Variants in HSD17B12 observed in about 807,000 individuals in gnomAD.
The protein encoded by HSD17B12 is very-long-chain 3-oxoacyl-CoA reductase.
HSD17B12 carries 32 observed loss-of-function variants against 39.3 expected under a neutral mutation model. The observed-to-expected ratio is 0.81, with a 90% CI of 0.61 to 1.09. The LOEUF (loss-of-function observed/expected upper bound fraction) is 1.09. Among genes scored for constraint, HSD17B12 ranks in the 50% least tolerant of loss-of-function variants. HSD17B12 has a pLI of 0.00. For synonymous variants in HSD17B12, 150 were observed against 146.7 expected (o/e 1.02, Z -0.16); for missense variants, 342 against 382.9 (o/e 0.89, Z 0.89).
At chr11:43,622,106 G>T in the HSD17B12 span, among the ~76,000 whole-genome samples, 6 of 152,196 alleles carry the variant, frequency 3.9e-5, no homozygotes, top group African/African-American at 1.4e-4. Context: ...ATAGGAAAGG[G>T]TTTGCACCCT....
At chr11:43,745,707 A>G (rs1247090777) in intron 1 of HSD17B12, among the ~76,000 whole-genome samples, 1 of 152,216 alleles carries the variant, frequency 6.6e-6, no homozygotes. Flanking sequence ...ATATCCAAAC[A>G]TAGAAAAAGT....
intron 6 of HSD17B12, among the ~76,000 whole-genome samples, chr11:43,827,364 G>A (rs1269731777): frequency 6.6e-6 from 1 of 152,130 alleles, no homozygotes; most frequent in Non-Finnish European, 1.5e-5. Context: ...CATGATATGA[G>A]AATAATTTGC....
chr11:43,631,281 C>G, the HSD17B12 span, among the ~76,000 whole-genome samples: 1 of 152,102 alleles, frequency 6.6e-6, no homozygotes, highest in African/African-American at 2.4e-5. Context: ...ATAGGTTGGG[C>G]AGAAAGTAAA....
chr11:43,605,438 G>GT, the HSD17B12 span, among the ~76,000 whole-genome samples: 1 of 151,942 alleles, frequency 6.6e-6, no homozygotes, highest in Non-Finnish European at 1.5e-5. Context: ...GCATATGACT[G>GT]TAACTCCAGC....
the HSD17B12 span, among the ~76,000 whole-genome samples, chr11:43,565,719 GT>G: frequency 6.6e-6 from 1 of 152,208 alleles, no homozygotes; most frequent in Non-Finnish European, 1.5e-5. Flanking sequence ...TTCCAAATAT[GT>G]AATGACTCCC....
At chr11:43,721,004 T>C (rs975645431) in intron 1 of HSD17B12, among the ~76,000 whole-genome samples, 5 of 152,128 alleles carry the variant, frequency 3.3e-5, no homozygotes, top group African/African-American at 1.2e-4. Context: ...TTTCATGACC[T>C]CTTGGCTCCT....
At chr11:43,842,028 C>G (rs941500621) in intron 9 of HSD17B12, among the ~76,000 whole-genome samples, 2 of 152,006 alleles carry the variant, frequency 1.3e-5, no homozygotes, top group African/African-American at 2.4e-5. Context: ...AGCCACTTGC[C>G]CATGTTGAAC....
chr11:43,708,285 A>G (rs1196942202), intron 1 of HSD17B12, among the ~76,000 whole-genome samples: 2 of 152,088 alleles, frequency 1.3e-5, no homozygotes, highest in Admixed American at 6.5e-5. Context: ...TTCTAATGCA[A>G]TTTTTAAAAC....
chr11:43,596,713 C>T, the HSD17B12 span, among the ~76,000 whole-genome samples: 5 of 152,234 alleles, frequency 3.3e-5, no homozygotes, highest in Non-Finnish European at 7.3e-5. Context: ...GCTGGGATTA[C>T]AGGCCTGAGC....
At chr11:43,847,278 G>A (rs1951485670) in intron 9 of HSD17B12, among the ~76,000 whole-genome samples, 2 of 152,212 alleles carry the variant, frequency 1.3e-5, no homozygotes, top group African/African-American at 4.8e-5. Flanking sequence ...CCAGAAGAAA[G>A]GTGGGGATGC....
the HSD17B12 span, among the ~76,000 whole-genome samples, chr11:43,578,233 T>A: frequency 2.6e-5 from 4 of 152,034 alleles, no homozygotes; most frequent in Non-Finnish European, 5.9e-5. Context: ...GACGGTGAGG[T>A]AAGTATTAGT....
chr11:43,643,855 A>G, the HSD17B12 span, among the ~76,000 whole-genome samples: 1 of 152,202 alleles, frequency 6.6e-6, no homozygotes, highest in African/African-American at 2.4e-5. Flanking sequence ...ATAACTTAGA[A>G]AAATGTTGGA....
At chr11:43,730,361 G>A (rs925563793) in intron 1 of HSD17B12, among the ~76,000 whole-genome samples, 1 of 152,126 alleles carries the variant, frequency 6.6e-6, no homozygotes, top group Non-Finnish European at 1.5e-5. Flanking sequence ...TTCACTGAGT[G>A]TTCATTTTGA....
chr11:43,568,403 TC>T, the HSD17B12 span, among the ~76,000 whole-genome samples: 2 of 152,128 alleles, frequency 1.3e-5, no homozygotes, highest in African/African-American at 4.8e-5. Flanking sequence ...GCACCCAGCC[TC>T]CTGTTTGTTT....
At chr11:43,578,431 TC>T in the HSD17B12 span, among the ~76,000 whole-genome samples, 2 of 152,184 alleles carry the variant, frequency 1.3e-5, no homozygotes, top group Admixed American at 6.5e-5. Context: ...CTCGGAAGGT[TC>T]CCTGACTGAG....
At chr11:43,734,742 G>T (rs1211215050) in intron 1 of HSD17B12, among the ~76,000 whole-genome samples, 2 of 152,202 alleles carry the variant, frequency 1.3e-5, no homozygotes, top group Non-Finnish European at 2.9e-5. Context: ...CAAAAAATGG[G>T]GGGGCAGGGT....
the HSD17B12 span, among the ~76,000 whole-genome samples, chr11:43,608,183 G>A: frequency 6.6e-6 from 1 of 152,042 alleles, no homozygotes; most frequent in Non-Finnish European, 1.5e-5. Flanking sequence ...TGGGCAACAG[G>A]GTGAAACCCC....
the HSD17B12 span, among the ~76,000 whole-genome samples, chr11:43,570,714 C>A: frequency 6.6e-6 from 1 of 152,160 alleles, no homozygotes; most frequent in Non-Finnish European, 1.5e-5. Flanking sequence ...TTGACCAAAC[C>A]AGAATTTGTT....
the HSD17B12 span, among the ~76,000 whole-genome samples, chr11:43,653,645 G>A: frequency 2.6e-5 from 4 of 152,220 alleles, no homozygotes; most frequent in South Asian, 2.1e-4. Context: ...GTGAGAACAT[G>A]TGGTGTTTGG....
Sources: gnomAD v4.1 joint callset for allele counts (sites outside exome capture counted in the v4.1 genomes callset) on GRCh38, gnomAD v4.1.1 for gene constraint, MANE v1.5 for transcripts, NCBI Gene and HGNC (gene_info 2026-07-23, HGNC 2026-07-21) for gene names.